Variants in GIP observed in about 807,000 individuals in gnomAD.
The protein encoded by GIP is gastric inhibitory polypeptide.
In GIP, 16 loss-of-function variants were observed where a neutral mutation model predicts 18.1. The ratio of observed to expected loss-of-function variants is 0.88; its 90% CI spans 0.60 to 1.34. The LOEUF (loss-of-function observed/expected upper bound fraction) is 1.34, where lower values mean the gene tolerates loss of function less well. Among genes scored for constraint, GIP ranks in the 40% most tolerant of loss-of-function variants. The probability of loss-of-function intolerance (pLI) is 0.00; values close to 1 mark genes in which losing one functional copy is unlikely to be tolerated. For synonymous variants in GIP, 76 were observed against 74.0 expected (o/e 1.03, Z -0.14); for missense variants, 192 against 183.4 (o/e 1.05, Z -0.27).
At chr17:48,963,967 C>T (rs1470711505) in intron 3 of GIP, among the ~76,000 whole-genome samples, 2 of 146,134 alleles carry the variant, frequency 1.4e-5, no homozygotes, top group African/African-American at 5.1e-5. Context: ...CTAGCTAACA[C>T]GGTGAAACCC....
chr17:48,961,745 T>G lies in GIP; in HGVS notation c.332A>C (p.Glu111Ala), dbSNP rs772323216. ...GACTCACCTCTGTGGCTCCACTGCCTCCTCCTCCTTCCTATTAGCTTGACT... is the reference window on the plus strand; with the variant it reads ...GACTCACCTCTGTGGCTCCACTGCCGCCTCCTCCTTCCTATTAGCTTGACT... ...LASQANRKEE[E>A]AVEPQSSPAK... Residue 111 changes from glutamate to alanine, a missense_variant, in exon 4 of 6, where the codon GAG becomes GCG. Transcript: ENST00000357424. The G allele has an allele frequency of 3.1e-6, 5 of 1,608,632 alleles. No individual in the cohort carries two copies. The African/African-American group carries it at 5.3e-5, about 17-fold the overall frequency.
chr17:48,962,775 T>G (rs1350254641), intron 3 of GIP, among the ~76,000 whole-genome samples: 2 of 152,044 alleles, frequency 1.3e-5, no homozygotes, highest in African/African-American at 2.4e-5. Context: ...GGATCCTCTC[T>G]GAGCTCCCAT....
At position 48,964,339 on chromosome 17, in the gene GIP, C is replaced by T; in HGVS notation, c.228G>A (p.Trp76Ter). The change falls in exon 3 of 6, where the codon TGG becomes TGA. Residue 76 changes from tryptophan (W) to a stop codon, truncating the protein, a stop_gained. Transcript: ENST00000357424. LOFTEE classifies it high-confidence loss of function. The part of the protein sequence containing the change: ...DKIHQQDFVN[W>*]LLAQKGKKND... ...TCTTCTTCCCCTTTTGGGCCAGCAGCCAGTTCACAAAGTCTTGTTGGTGAA... is the reference window on the plus strand; with the variant it reads ...TCTTCTTCCCCTTTTGGGCCAGCAGTCAGTTCACAAAGTCTTGTTGGTGAA... 2.5e-6 allele frequency: 4 copies of T among 1,613,740 alleles called. No individual in the cohort carries two copies. Among genetic ancestry groups the T allele is most frequent in the Non-Finnish European group, 3.4e-6 (4 of 1,179,786 alleles).
At position 48,960,782 on chromosome 17, in the gene GIP, G is replaced by A. The variant is rs1453489394; in HGVS notation, c.452+104C>T. 5.4e-6 allele frequency: 4 copies of A among 736,710 alleles called. No individual in the cohort carries two copies. The Admixed American group carries it at 6.2e-5, about 11-fold the overall frequency. 45.6% of individuals were successfully genotyped at this position (736,710 alleles called of 1,614,324 possible). A position where few individuals can be genotyped will look rare whatever the true frequency, so the allele number is the denominator to read the frequency against. On this transcript the variant is annotated intron_variant, in intron 5 of 5. Transcript: ENST00000357424. ...ATTTTAGTGAAAACACTGAGGTTCA[G>A]AAAGGCTATGTAATCAGCCAGCATG...
At chr17:48,964,733 T>G (rs556743441) in intron 2 of GIP, among the ~76,000 whole-genome samples, 256 of 152,230 alleles carry the variant, frequency 1.7e-3, no homozygotes, top group African/African-American at 5.9e-3. Context: ...CGGTGGCTCA[T>G]GCCTGTAATC....
Position 48,967,208 on chromosome 17 carries a change from G to A in GIP, c.25C>T (p.Leu9=). The A allele has an allele frequency of 6.2e-7, 1 of 1,613,984 alleles. No individual in the cohort carries two copies. Among genetic ancestry groups the A allele is most frequent in the Non-Finnish European group, 8.5e-7 (1 of 1,179,894 alleles). The change falls in exon 2 of 6, where the codon CTG becomes TTG. Residue 9 remains leucine (L), a synonymous_variant. Transcript: ENST00000357424. MVATKTFA[L]LLLSLFLAVG... ...GCCAGGAACAGGGACAGCAGCAGCA[G>A]AGCAAAGGTCTTCGTGGCCACCATC...
rs61733693 is a variant in GIP at position 48,964,464 on chromosome 17, G to A, written c.103C>T (p.Pro35Ser). 2 of 1,613,988 alleles carry A rather than the reference G, an allele frequency of 1.2e-6. No individual in the cohort carries two copies. The highest frequency in any genetic ancestry group is 2.2e-5 in the South Asian group (2 of 91,066). Residue 35 changes from proline to serine, a missense_variant, in exon 3 of 6, where the codon CCT (proline) becomes TCT (serine). By Grantham distance (74) the Pro-to-Ser change is moderately conservative (BLOSUM62 -1). Transcript: ENST00000357424. ...EGHFSALPSL[P>S]VGSHAKVSSP... is the part of the protein sequence containing the mutation. Reference sequence around the variant, plus strand: ...CTCACCTTAGCATGAGATCCAACAGGCAGGGAGGGGAGAGCGCTGGAAACA... The same window carrying A: ...CTCACCTTAGCATGAGATCCAACAGACAGGGAGGGGAGAGCGCTGGAAACA...
chr17:48,960,928 A>G lies in GIP; in HGVS notation c.410T>C (p.Leu137Pro). The G allele has an allele frequency of 6.2e-7, 1 of 1,608,960 alleles. No individual in the cohort carries two copies. The highest frequency in any genetic ancestry group is 1.7e-5 in the Admixed American group (1 of 59,304). The change falls in exon 5 of 6, where the codon CTG (leucine) becomes CCG (proline). Residue 137 changes from leucine to proline, a missense_variant. By Grantham distance (98) the Leu-to-Pro change is moderately conservative (BLOSUM62 -3). Coordinates refer to ENST00000357424, the MANE Select transcript of GIP (RefSeq NM_004123.3). The stretch of plus-strand genomic sequence containing the variant: ...TGTCTGATCCAGCAAGCAGGCCAAC[A>G]GCTCTTGAATCAGCAAGTCCCGCAG... ...DLLRDLLIQELLACLLDQTNL... is the reference protein window; with the variant it reads ...DLLRDLLIQEPLACLLDQTNL...
chr17:48,960,989 T>A lies in GIP; in HGVS notation c.351-2A>T, dbSNP rs2041197822. The A allele has an allele frequency of 6.3e-7, 1 of 1,598,372 alleles. No homozygotes were observed. The highest frequency in any genetic ancestry group is 1.7e-5 in the Admixed American group (1 of 58,286). ...TCGCTGGGGTTCTTGGCTGGGGAGCTGCAAGGGAACAGTCTCTGGCTAACT... is the reference window on the plus strand; with the variant it reads ...TCGCTGGGGTTCTTGGCTGGGGAGCAGCAAGGGAACAGTCTCTGGCTAACT... On this transcript the variant is annotated splice_acceptor_variant, in intron 4 of 5. Coordinates refer to ENST00000357424, the MANE Select transcript of GIP (RefSeq NM_004123.3). LOFTEE classifies it high-confidence loss of function.
At chr17:48,967,352 C>T (rs927282026) in intron 1 of GIP, 99 bp from the exon 2 acceptor site, 114 of 715,518 alleles carry the variant, frequency 1.6e-4, no homozygotes, top group Admixed American at 8.0e-5. Flanking sequence ...CCTTTCTTTT[C>T]CTTTTTCTTT....
Position 48,965,539 on chromosome 17 carries a change from T to A in GIP, c.87-1059A>T, listed in dbSNP as rs1474940675. On this transcript the variant is annotated intron_variant, in intron 2 of 5. Coordinates refer to ENST00000357424, the MANE Select transcript of GIP (RefSeq NM_004123.3). ...AGAATGGCGTGAACCCAGGAGGCGC[T>A]GCTTGCAGTAATCGGAGATCGCGCC... is the stretch of plus-strand genomic sequence containing the variant. Among the ~76,000 whole-genome samples the A allele has an allele frequency of 4.1e-5, 6 of 145,768 alleles. No homozygotes were observed. In the South Asian group the frequency reaches 6.5e-4, roughly 16 times the overall value.
intron 3 of GIP, among the ~76,000 whole-genome samples, 185 bp from the exon 4 acceptor site, chr17:48,962,004 G>A (rs531011407): frequency 1.3e-5 from 2 of 152,222 alleles, no homozygotes; most frequent in Non-Finnish European, 2.9e-5. Flanking sequence ...TGACCAGAGA[G>A]GGCGGGGAAA....
intron 2 of GIP, among the ~76,000 whole-genome samples, chr17:48,966,422 G>C (rs1326348491): frequency 6.6e-6 from 1 of 151,660 alleles, no homozygotes; most frequent in African/African-American, 2.4e-5. Flanking sequence ...CGGGTGTGGT[G>C]GTGGGCACCT....
intron 2 of GIP, among the ~76,000 whole-genome samples, chr17:48,965,931 C>T (rs985066125): frequency 2.6e-5 from 4 of 152,084 alleles, no homozygotes; most frequent in African/African-American, 9.7e-5. Context: ...GGATTTACCC[C>T]AGGCCATCTG....
chr17:48,963,257 G>A (rs1393234281), intron 3 of GIP, among the ~76,000 whole-genome samples: 1 of 152,034 alleles, frequency 6.6e-6, no homozygotes, highest in African/African-American at 2.4e-5. Flanking sequence ...GGGTGTGGTG[G>A]CTCACACCTG....
intron 2 of GIP, among the ~76,000 whole-genome samples, chr17:48,966,585 T>C (rs1417944014): frequency 2.1e-5 from 3 of 145,486 alleles, no homozygotes; most frequent in African/African-American, 7.7e-5. Flanking sequence ...AAGAAAAGAA[T>C]AGAAAAAAAA....
intron 2 of GIP, among the ~76,000 whole-genome samples, chr17:48,965,537 G>A (rs1030894079): frequency 1.4e-5 from 2 of 148,042 alleles, no homozygotes; most frequent in African/African-American, 2.5e-5. Flanking sequence ...CCCAGGAGGC[G>A]CTGCTTGCAG....
At position 48,967,191 on chromosome 17, in the gene GIP, C is replaced by T; in HGVS notation, c.42G>A (p.Leu14=). 1 of 1,614,012 alleles carries T rather than the reference C, an allele frequency of 6.2e-7. No individual in the cohort carries two copies. Among genetic ancestry groups the T allele is most frequent in the Non-Finnish European group, 8.5e-7 (1 of 1,179,932 alleles). ...TCTCTCCTAGTCCCACTGCCAGGAACAGGGACAGCAGCAGCAGAGCAAAGG... is the reference window on the plus strand; with the variant it reads ...TCTCTCCTAGTCCCACTGCCAGGAATAGGGACAGCAGCAGCAGAGCAAAGG... ...TKTFALLLLS[L]FLAVGLGEKK... is the part of the protein sequence containing the mutation. Residue 14 remains leucine, a synonymous_variant, in exon 2 of 6, where the codon CTG becomes CTA. Coordinates refer to ENST00000357424, the MANE Select transcript of GIP (RefSeq NM_004123.3).
At chr17:48,968,232 G>A (rs998872306) in intron 1 of GIP, among the ~76,000 whole-genome samples, 22 of 151,786 alleles carry the variant, frequency 1.4e-4, no homozygotes, top group African/African-American at 5.1e-4. Flanking sequence ...ACCTAGAACC[G>A]CAGGCATGTA....
Sources: gnomAD v4.1 joint callset for allele counts (sites outside exome capture counted in the v4.1 genomes callset) on GRCh38, gnomAD v4.1.1 for gene constraint, MANE v1.5 for transcripts, NCBI Gene and HGNC (gene_info 2026-07-23, HGNC 2026-07-21) for gene names.